The following PDE1A variants were observed in gnomAD, a reference collection of about 807,000 sequenced individuals.
The protein encoded by PDE1A is phosphodiesterase 1A.
PDE1A carries 35 observed loss-of-function variants against 61.7 expected under a neutral mutation model. That is an observed-to-expected ratio of 0.57 (90% CI 0.43 to 0.75). The LOEUF (loss-of-function observed/expected upper bound fraction) is 0.75, where lower values mean the gene tolerates loss of function less well. PDE1A is among the 30% of genes least tolerant of loss of function. The probability of loss-of-function intolerance (pLI) is 0.00; values close to 1 mark genes in which losing one functional copy is unlikely to be tolerated. For synonymous variants in PDE1A, 232 were observed against 213.2 expected (o/e 1.09, Z -0.77); for missense variants, 597 against 630.6 (o/e 0.95, Z 0.57).
chr2:182,266,381 C>T (rs1460454169), intron 1 of PDE1A, among the ~76,000 whole-genome samples: 1 of 152,032 alleles, frequency 6.6e-6, no homozygotes, highest in Admixed American at 6.6e-5. Flanking sequence ...GAACATTATT[C>T]TTAGTCAAAC....
the PDE1A span, among the ~76,000 whole-genome samples, chr2:182,601,807 C>G: frequency 6.6e-6 from 1 of 152,204 alleles, no homozygotes. Flanking sequence ...GGAAGCTTCT[C>G]TCTGCTGCTG....
intron 1 of PDE1A, among the ~76,000 whole-genome samples, chr2:182,299,099 G>A (rs984272139): frequency 1.1e-4 from 16 of 151,954 alleles, no homozygotes; most frequent in East Asian, 7.8e-4. Context: ...CAATATTTTC[G>A]CCGAAATACC....
At chr2:182,449,963 T>C (rs1187801211) in intron 2 of PDE1A, among the ~76,000 whole-genome samples, 1 of 152,008 alleles carries the variant, frequency 6.6e-6, no homozygotes, top group Non-Finnish European at 1.5e-5. Context: ...CCAAACTCAA[T>C]TACACCAACT....
intron 7 of PDE1A, among the ~76,000 whole-genome samples, chr2:182,208,708 T>G (rs571379768): frequency 6.6e-6 from 1 of 152,298 alleles, no homozygotes; most frequent in South Asian, 2.1e-4. Context: ...GCACACCCCC[T>G]GCATCAGCAT....
chr2:182,404,720 G>T (rs1160910077), intron 1 of PDE1A, among the ~76,000 whole-genome samples: 1 of 152,106 alleles, frequency 6.6e-6, no homozygotes, highest in Non-Finnish European at 1.5e-5. Flanking sequence ...ACAAGGTCAG[G>T]ATAATATCAC....
At chr2:182,482,625 A>C (rs896279634) in intron 2 of PDE1A, among the ~76,000 whole-genome samples, 3 of 152,112 alleles carry the variant, frequency 2.0e-5, no homozygotes, top group Admixed American at 1.3e-4. Flanking sequence ...TTCACCAGAA[A>C]CTATGGAATG....
chr2:182,259,024 T>C (rs1483347599), intron 2 of PDE1A, among the ~76,000 whole-genome samples: 7 of 152,226 alleles, frequency 4.6e-5, no homozygotes, highest in Non-Finnish European at 1.0e-4. Flanking sequence ...TCATTTCAGG[T>C]ACTCAACAGG....
chr2:182,186,703 C>G, intron 11 of PDE1A, 115 bp from the exon 12 acceptor site: 1 of 967,734 alleles, frequency 1.0e-6, no homozygotes, highest in South Asian at 1.7e-5. Flanking sequence ...CAAGAATCAA[C>G]TAAAATATTG....
chr2:182,273,426 G>C (rs956322399), intron 1 of PDE1A, among the ~76,000 whole-genome samples: 3 of 151,390 alleles, frequency 2.0e-5, no homozygotes, highest in Admixed American at 2.0e-4. Flanking sequence ...GCTCTTTTAG[G>C]CATATGGCTA....
intron 11 of PDE1A, among the ~76,000 whole-genome samples, chr2:182,188,522 CT>C (rs1400154113): frequency 6.6e-6 from 1 of 152,166 alleles, no homozygotes; most frequent in African/African-American, 2.4e-5. Flanking sequence ...TGCAAATTTC[CT>C]GTTGTTGGTT....
At chr2:182,484,163 T>C (rs1468234054) in intron 2 of PDE1A, among the ~76,000 whole-genome samples, 2 of 151,976 alleles carry the variant, frequency 1.3e-5, no homozygotes, top group African/African-American at 2.4e-5. Context: ...GTGAACTCTA[T>C]AAATGTTTTT....
At chr2:182,454,426 T>C (rs1385435790) in intron 2 of PDE1A, among the ~76,000 whole-genome samples, 1 of 152,044 alleles carries the variant, frequency 6.6e-6, no homozygotes, top group African/African-American at 2.4e-5. Context: ...TACTTTAAAG[T>C]TCATATGGAA....
chr2:182,653,666 C>A, the PDE1A span, among the ~76,000 whole-genome samples: 1 of 152,094 alleles, frequency 6.6e-6, no homozygotes, highest in South Asian at 2.1e-4. Context: ...TTGATGTAAT[C>A]AACTTGCCAT....
chr2:182,148,698 A>C (rs1323213206), intron 13 of PDE1A, among the ~76,000 whole-genome samples: 1 of 147,794 alleles, frequency 6.8e-6, no homozygotes, highest in African/African-American at 2.5e-5. Flanking sequence ...GAAAAGCTGA[A>C]ATCTACACAG....
intron 10 of PDE1A, among the ~76,000 whole-genome samples, chr2:182,195,215 A>G (rs1304188892): frequency 6.6e-6 from 1 of 152,188 alleles, no homozygotes; most frequent in South Asian, 2.1e-4. Context: ...ATGGTGTAGT[A>G]TACTGATACT....
the PDE1A span, among the ~76,000 whole-genome samples, chr2:182,569,188 G>A: frequency 2.6e-5 from 4 of 151,320 alleles, no homozygotes; most frequent in South Asian, 8.3e-4. Flanking sequence ...AAGAGGTCAA[G>A]GCTGCAGTGA....
At chr2:182,188,533 TA>T (rs1685433553) in intron 11 of PDE1A, among the ~76,000 whole-genome samples, 4 of 152,340 alleles carry the variant, frequency 2.6e-5, no homozygotes, top group African/African-American at 7.2e-5. Flanking sequence ...TGTTGTTGGT[TA>T]ATCTATTCAC....
intron 1 of PDE1A, among the ~76,000 whole-genome samples, chr2:182,385,493 A>G (rs1042237068): frequency 6.6e-6 from 1 of 152,050 alleles, no homozygotes; most frequent in Non-Finnish European, 1.5e-5. Flanking sequence ...GGCTTAAAAG[A>G]AAGTTATTAG....
At chr2:182,402,280 C>T (rs1314332556) in intron 1 of PDE1A, among the ~76,000 whole-genome samples, 1 of 152,176 alleles carries the variant, frequency 6.6e-6, no homozygotes, top group Non-Finnish European at 1.5e-5. Flanking sequence ...AACTATACTA[C>T]AAGGCTACAG....
Sources: gnomAD v4.1 joint callset for allele counts (sites outside exome capture counted in the v4.1 genomes callset) on GRCh38, gnomAD v4.1.1 for gene constraint, MANE v1.5 for transcripts, NCBI Gene and HGNC (gene_info 2026-07-23, HGNC 2026-07-21) for gene names.